The following CCDC7 variants were observed in gnomAD, a reference collection of about 807,000 sequenced individuals.
CCDC7 encodes the protein coiled-coil domain-containing protein 7.
Under a neutral mutation model 196.9 loss-of-function variants are expected in CCDC7, and 183 were observed. The observed-to-expected ratio is 0.93, with a 90% confidence interval of 0.82 to 1.05. The LOEUF (loss-of-function observed/expected upper bound fraction) is 1.05. CCDC7 is among the 50% of genes least tolerant of loss of function. CCDC7 has a pLI of 0.00. For synonymous variants in CCDC7, 525 were observed against 484.6 expected (o/e 1.08, Z -1.10); for missense variants, 1,540 against 1,482.2 (o/e 1.04, Z -0.64).
intron 31 of CCDC7, among the ~76,000 whole-genome samples, chr10:32,814,830 C>T (rs1464541073): frequency 6.6e-6 from 1 of 152,150 alleles, no homozygotes; most frequent in Non-Finnish European, 1.5e-5. Context: ...CAGTGTTAGA[C>T]ACACTTCTCT....
At chr10:32,454,819 C>T (rs1223240338) in intron 2 of CCDC7, among the ~76,000 whole-genome samples, 1 of 152,168 alleles carries the variant, frequency 6.6e-6, no homozygotes, top group African/African-American at 2.4e-5. Flanking sequence ...TCTGTGGCCA[C>T]CACCTCCTGT....
intron 21 of CCDC7, among the ~76,000 whole-genome samples, chr10:32,684,194 T>C (rs1374573679): frequency 1.3e-5 from 2 of 152,144 alleles, no homozygotes; most frequent in Non-Finnish European, 2.9e-5. Context: ...CACATTTCAG[T>C]ATCCTAGATG....
At chr10:32,515,710 A>AT (rs59085645) in intron 9 of CCDC7, among the ~76,000 whole-genome samples, 13,100 of 145,686 alleles carry the variant, frequency 0.09, 829 homozygotes, top group East Asian at 0.33. Flanking sequence ...CACCCGGCTA[A>AT]TTTTTTTTTT....
chr10:32,721,323 A>G (rs2082387190), intron 25 of CCDC7, among the ~76,000 whole-genome samples: 1 of 152,136 alleles, frequency 6.6e-6, no homozygotes, highest in Non-Finnish European at 1.5e-5. Flanking sequence ...CAGAAACCCA[A>G]TGGACACCTC....
intron 28 of CCDC7, among the ~76,000 whole-genome samples, chr10:32,730,846 A>G (rs1413594134): frequency 6.6e-6 from 1 of 152,046 alleles, no homozygotes; most frequent in African/African-American, 2.4e-5. Flanking sequence ...AAGAGATTCC[A>G]TAGTAAATAT....
At chr10:32,608,959 A>G (rs2061811657) in intron 18 of CCDC7, among the ~76,000 whole-genome samples, 1 of 152,086 alleles carries the variant, frequency 6.6e-6, no homozygotes, top group African/African-American at 2.4e-5. Context: ...CTAGTTTTCC[A>G]TTGTGGTTTT....
intron 33 of CCDC7, among the ~76,000 whole-genome samples, chr10:32,838,955 A>G (rs2092799167): frequency 6.6e-6 from 1 of 152,022 alleles, no homozygotes; most frequent in Non-Finnish European, 1.5e-5. Flanking sequence ...GCCACTACCT[A>G]GCCAGTACTA....
intron 20 of CCDC7, among the ~76,000 whole-genome samples, chr10:32,663,642 A>G (rs1225209222): frequency 2.0e-5 from 3 of 152,090 alleles, no homozygotes; most frequent in Non-Finnish European, 4.4e-5. Flanking sequence ...TGATAATACC[A>G]CAAATTATAA....
At chr10:32,645,503 CTTTTTTTT>C (rs35170235) in intron 20 of CCDC7, among the ~76,000 whole-genome samples, 8 of 65,144 alleles carry the variant, frequency 1.2e-4, no homozygotes, top group African/African-American at 2.1e-4. Flanking sequence ...GAGTCCATGT[CTTTTTTTT>C]TTTTTTTTTT....
chr10:32,643,265 A>G (rs1403666871), intron 20 of CCDC7, among the ~76,000 whole-genome samples: 1 of 152,146 alleles, frequency 6.6e-6, no homozygotes, highest in Non-Finnish European at 1.5e-5. Flanking sequence ...AACCTTCTGA[A>G]TCTCTGGTAA....
At chr10:32,880,518 C>A (rs1258672808), downstream of CCDC7, among the ~76,000 whole-genome samples, 1 of 152,158 alleles carries the variant, frequency 6.6e-6, no homozygotes, top group Non-Finnish European at 1.5e-5. Context: ...ATAATAGTTT[C>A]TTTTGCTGTG....
intron 28 of CCDC7, among the ~76,000 whole-genome samples, chr10:32,732,054 A>C (rs547630880): frequency 7.2e-5 from 11 of 152,268 alleles, no homozygotes; most frequent in Admixed American, 7.2e-4. Flanking sequence ...CCGTCTCAAA[A>C]AAAACAAAAC....
At chr10:32,666,537 C>G (rs2072776002) in intron 21 of CCDC7, among the ~76,000 whole-genome samples, 2 of 140,158 alleles carry the variant, frequency 1.4e-5, no homozygotes, top group South Asian at 2.4e-4. Flanking sequence ...TCCCCCCACC[C>G]CATGATAGGC....
At chr10:32,720,997 A>C (rs1358903692) in intron 25 of CCDC7, among the ~76,000 whole-genome samples, 3 of 152,072 alleles carry the variant, frequency 2.0e-5, no homozygotes, top group African/African-American at 7.2e-5. Flanking sequence ...CGGGTGCTGA[A>C]ATGGAGGATA....
intron 18 of CCDC7, among the ~76,000 whole-genome samples, chr10:32,593,980 C>T (rs2060044099): frequency 6.6e-6 from 1 of 152,116 alleles, no homozygotes; most frequent in Admixed American, 6.6e-5. Context: ...AGTCAGGTAG[C>T]ATGATGCCTC....
chr10:32,576,545 G>T (rs2058211618), intron 16 of CCDC7, among the ~76,000 whole-genome samples: 1 of 142,482 alleles, frequency 7.0e-6, no homozygotes, highest in Non-Finnish European at 1.5e-5. Context: ...TGGCCTGTGT[G>T]TCTTTTTTTT....
chr10:32,751,492 C>T (rs945172005), intron 28 of CCDC7, among the ~76,000 whole-genome samples: 12 of 152,050 alleles, frequency 7.9e-5, no homozygotes, highest in African/African-American at 2.7e-4. Context: ...TTGCATGGAG[C>T]TTGCTTAATG....
At position 32,710,231 on chromosome 10, in the gene CCDC7, C is replaced by G. The variant is rs147367958; in HGVS notation, c.2459-1389C>G. ...CAAATAATCCATGCCTCTAAATTCT[C>G]CTAGATCACACAGGAAAGCAATCCC... On this transcript the variant is annotated intron_variant, in intron 24 of 41. Transcript: ENST00000639629. Among the ~76,000 whole-genome samples, 3 of 152,168 alleles carry G rather than the reference C, an allele frequency of 2.0e-5. No individual in the cohort carries two copies. In the East Asian group the frequency reaches 5.8e-4, roughly 29 times the overall value.
At chr10:32,805,244 T>C (rs2085590752) in intron 30 of CCDC7, 146 bp downstream of exon 31, 1 of 611,072 alleles carries the variant, frequency 1.6e-6, no homozygotes, top group East Asian at 2.7e-5. Context: ...TTGGTTTTAC[T>C]CTAGAACATA....
Sources: gnomAD v4.1 joint callset for allele counts (sites outside exome capture counted in the v4.1 genomes callset) on GRCh38, gnomAD v4.1.1 for gene constraint, MANE v1.5 for transcripts, NCBI Gene and HGNC (gene_info 2026-07-23, HGNC 2026-07-21) for gene names.